The following MPRIP variants were observed in gnomAD, a reference collection of about 807,000 sequenced individuals.
The protein encoded by MPRIP is myosin phosphatase Rho interacting protein.
Under a neutral mutation model 234.9 loss-of-function variants are expected in MPRIP, and 59 were observed. The ratio of observed to expected loss-of-function variants is 0.25; its 90% confidence interval spans 0.20 to 0.31. The LOEUF (loss-of-function observed/expected upper bound fraction) is 0.31. Among genes scored for constraint, MPRIP ranks in the 10% least tolerant of loss-of-function variants. The pLI, the probability that MPRIP is intolerant of heterozygous loss-of-function variation, is 1.00. For missense variants in MPRIP, 2,436 were observed against 3,071.0 expected (o/e 0.79, Z 4.89); for synonymous variants, 1,144 against 1,263.9 (o/e 0.91, Z 2.01).
chr17:17,136,078 G>A, intron 5 of MPRIP, 141 bp from the exon 6 acceptor site: 1 of 794,584 alleles, frequency 1.3e-6, no homozygotes, highest in African/African-American at 1.7e-5. Flanking sequence ...TCACTGTTTT[G>A]GGGCAGTATC....
intron 1 of MPRIP, among the ~76,000 whole-genome samples, chr17:17,057,309 G>A (rs2088729734): frequency 6.6e-6 from 1 of 152,258 alleles, no homozygotes; most frequent in Admixed American, 6.5e-5. Flanking sequence ...AGTGTCACGG[G>A]GCGGTGCAGG....
At chr17:17,184,138 C>T (rs2046427556) in intron 23 of MPRIP, among the ~76,000 whole-genome samples, 2 of 152,238 alleles carry the variant, frequency 1.3e-5, no homozygotes, top group South Asian at 2.1e-4. Flanking sequence ...AATACTCTGT[C>T]CCCTAGTTAG....
rs1437172070 is a variant in MPRIP at position 17,164,855 on chromosome 17, A to G, written c.3264A>G (p.Ala1088=). ...ACCAGCTGGAGGAGCAGCTGGAGGC[A>G]CGAGAGGCCAGCGTGCGCAGGCTCG... ...QVHQLEEQLE[A]REASVRRLAE... is the part of the protein sequence containing the mutation. The change falls in exon 16 of 24, where the codon GCA becomes GCG. Residue 1088 remains alanine (A), a synonymous_variant. Transcript: ENST00000651222. 8 of 1,303,982 alleles carry G rather than the reference A, an allele frequency of 6.1e-6. No homozygotes were observed. The African/African-American group carries it at 1.2e-4, about 20-fold the overall frequency. 80.8% of individuals were successfully genotyped at this position (1,303,982 alleles called of 1,614,324 possible).
Position 17,167,917 on chromosome 17 carries a change from T to C in MPRIP, c.6324+2T>C. On this transcript the variant is annotated splice_donor_variant, in intron 16 of 23. Coordinates refer to ENST00000651222, the MANE Select transcript of MPRIP (RefSeq NM_001364716.4). LOFTEE classifies it high-confidence loss of function. This position sits in a 1 kb window ranked among gnomAD's most constrained non-coding sequence, Gnocchi z 5.9. ...CAGAGGGACTTGGAGAGCCTTAAGG[T>C]CTTAACGCCCCATTCAATTTGCAGA... 2.3e-6 allele frequency: 3 copies of C among 1,299,650 alleles called. No individual in the cohort carries two copies. Among genetic ancestry groups the C allele is most frequent in the Non-Finnish European group, 3.0e-6 (3 of 986,344 alleles). The allele number at this position is 1,299,650 out of a possible 1,614,324, so 80.5% of individuals were successfully genotyped here.
intron 1 of MPRIP, among the ~76,000 whole-genome samples, 173 bp from the exon 2 acceptor site, chr17:17,075,537 C>T (rs570580820): frequency 6.6e-6 from 1 of 152,130 alleles, no homozygotes; most frequent in African/African-American, 2.4e-5. Flanking sequence ...GCAGAATCCC[C>T]GCCAGCCTCT....
chr17:17,043,648 T>TTAAACA (rs2088252894), intron 1 of MPRIP, among the ~76,000 whole-genome samples: 1 of 151,922 alleles, frequency 6.6e-6, no homozygotes, highest in Non-Finnish European at 1.5e-5. Context: ...TGCATTAGAG[T>TTAAACA]CATAGCCATT....
chr17:17,171,868 T>C lies in MPRIP; in HGVS notation c.6472+3T>C. 18 of 1,535,278 alleles carry C rather than the reference T, an allele frequency of 1.2e-5. No homozygotes were observed. Among genetic ancestry groups the C allele is most frequent in the Non-Finnish European group, 1.6e-5 (18 of 1,154,608 alleles). On this transcript the variant is annotated splice_donor_region_variant and intron_variant, in intron 17 of 23. Transcript: ENST00000651222. Reference sequence around the variant, plus strand: ...GGAGACAGCGGCCACCATCTCAGGTTGGGGGGTGGGGTAACCCTGAGGGCA... The same window carrying C: ...GGAGACAGCGGCCACCATCTCAGGTCGGGGGGTGGGGTAACCCTGAGGGCA...
rs951891914 is a variant in MPRIP, at chr17:17,138,277, C to T, written c.1098C>T (p.Ser366=). Residue 366 remains serine, a synonymous_variant, in exon 7 of 24, where the codon AGC becomes AGT. Transcript: ENST00000651222. The surrounding 1 kb of genome is among the most constrained non-coding windows in gnomAD (Gnocchi z 5.8). ...RLGSAFAFKA[S]RQYATLADVP... ...GGAGCGCCTTTGCCTTTAAAGCCAG[C>T]AGGCAATATGCCACCCTGGCCGACG... 6 of 480,420 alleles carry T rather than the reference C, an allele frequency of 1.2e-5. No homozygotes were observed. Among genetic ancestry groups the T allele is most frequent in the African/African-American group, 1.0e-4 (5 of 49,622 alleles). The allele number at this position is 480,420 out of a possible 1,614,324, so 29.8% of individuals were successfully genotyped here.
At chr17:17,043,423 A>G (rs1033373999) in intron 1 of MPRIP, among the ~76,000 whole-genome samples, 5 of 152,128 alleles carry the variant, frequency 3.3e-5, no homozygotes, top group Non-Finnish European at 7.4e-5. Context: ...GTCACTGTCA[A>G]GCACTGGAGA....
At chr17:17,131,539 C>A in intron 4 of MPRIP, 78 bp from the exon 5 acceptor site, 3 of 1,269,332 alleles carry the variant, frequency 2.4e-6, no homozygotes, top group Non-Finnish European at 3.4e-6. Flanking sequence ...TACTCCTGGA[C>A]CACCCGGCAA....
In MPRIP at chr17:17,165,575, G is replaced by A; in HGVS notation, c.3984G>A (p.Gln1328=). 7.7e-7 allele frequency: 1 copy of A among 1,304,764 alleles called. No homozygotes were observed. Among genetic ancestry groups the A allele is most frequent in the Non-Finnish European group, 1.0e-6 (1 of 989,048 alleles). 80.8% of individuals were successfully genotyped at this position (1,304,764 alleles called of 1,614,324 possible). Residue 1328 remains glutamine (Q), a synonymous_variant, in exon 16 of 24, where the codon CAG becomes CAA. Transcript: ENST00000651222. ...AAAGAATCCGGTTCTCCACAATCCA[G>A]TGCCAAAGATACATTCACCCCGAAG... ...KRQRIRFSTI[Q]CQRYIHPEGS...
intron 3 of MPRIP, among the ~76,000 whole-genome samples, chr17:17,104,758 C>T (rs1049665095): frequency 3.3e-5 from 5 of 152,198 alleles, no homozygotes; most frequent in South Asian, 2.1e-4. Context: ...TGCCTCCCTT[C>T]GGAGCACCCA....
rs146439071 is a variant in MPRIP at position 17,142,717 on chromosome 17, C to T, written c.1341C>T (p.Ser447=). 2.0e-5 allele frequency: 32 copies of T among 1,612,384 alleles called. No individual in the cohort carries two copies. Among genetic ancestry groups the T allele is most frequent in the African/African-American group, 4.0e-5 (3 of 74,878 alleles). ...ETNAVGPSPS[S]DTRQGRSEKR... is the part of the protein sequence containing the mutation. The stretch of plus-strand genomic sequence containing the variant: ...ATGCAGTGGGGCCCTCACCATCCAG[C>T]GACACACGCCAGGGCCGCAGCGAGA... The change falls in exon 8 of 24, where the codon AGC becomes AGT. Residue 447 remains serine, a synonymous_variant. Transcript: ENST00000651222.
chr17:17,061,760 G>T (rs1055711620), intron 1 of MPRIP, among the ~76,000 whole-genome samples: 4 of 152,100 alleles, frequency 2.6e-5, no homozygotes, highest in Admixed American at 2.6e-4. Context: ...GTAGGGTTTG[G>T]GTGCCTGCCC....
At position 17,175,420 on chromosome 17, in the gene MPRIP, C is replaced by T. The variant is rs755701496; in HGVS notation, c.6870+8C>T. 3 of 1,600,388 alleles carry T rather than the reference C, an allele frequency of 1.9e-6. No homozygotes were observed. The highest frequency in any genetic ancestry group is 1.1e-5 in the South Asian group (1 of 89,548). ...GATGCCTATGAACTAGAGGTACCAT[C>T]AGGAGCCAGGCCCTGCCTGACTCAG... is the stretch of plus-strand genomic sequence containing the variant. On this transcript the variant is annotated splice_region_variant and intron_variant, in intron 20 of 23. Coordinates refer to ENST00000651222, the MANE Select transcript of MPRIP (RefSeq NM_001364716.4).
At chr17:17,087,179 C>CCA (rs1414387391) in intron 3 of MPRIP, among the ~76,000 whole-genome samples, 2 of 152,124 alleles carry the variant, frequency 1.3e-5, no homozygotes, top group Non-Finnish European at 2.9e-5. Context: ...TGGGGGTTCC[C>CCA]ACTGTGACCT....
At chr17:17,152,025 G>C (rs1305061027) in intron 12 of MPRIP, among the ~76,000 whole-genome samples, 1 of 152,256 alleles carries the variant, frequency 6.6e-6, no homozygotes, top group Non-Finnish European at 1.5e-5. Flanking sequence ...GCCCAACTTA[G>C]AGGAGACTGA....
intron 3 of MPRIP, among the ~76,000 whole-genome samples, chr17:17,089,432 C>T (rs2089664257): frequency 6.6e-6 from 1 of 152,174 alleles, no homozygotes; most frequent in South Asian, 2.1e-4. Flanking sequence ...TTTTCCTCTG[C>T]CTCCCTCTTA....
Position 17,189,403 on chromosome 17 carries a change from A to G in MPRIP, c.*4509A>G, listed in dbSNP as rs1403957116. On this transcript the variant is annotated 3_prime_UTR_variant, in exon 24 of 24. Coordinates refer to ENST00000651222, the MANE Select transcript of MPRIP (RefSeq NM_001364716.4). ...ACGGGGTTTCACCATGTTGGTCAGG[A>G]TGGTCTCGATTTCCTGACCTCGTGA... is the stretch of plus-strand genomic sequence containing the variant. 6.6e-6 allele frequency: 1 copy of G among 151,594 alleles called. No homozygotes were observed. Among genetic ancestry groups the G allele is most frequent in the African/African-American group, 2.4e-5 (1 of 41,226 alleles). The allele number at this position is 151,594 out of a possible 1,614,324, so 9.4% of individuals were successfully genotyped here.
Sources: gnomAD v4.1 joint callset for allele counts (sites outside exome capture counted in the v4.1 genomes callset) on GRCh38, gnomAD v4.1.1 for gene constraint, Gnocchi (gnomAD v3.1) non-coding constraint, MANE v1.5 for transcripts, NCBI Gene and HGNC (gene_info 2026-07-23, HGNC 2026-07-21) for gene names.